Variants in ZNF695 observed in about 807,000 individuals in gnomAD.
ZNF695 encodes zinc finger protein 695.
In ZNF695, 11 loss-of-function variants were observed where a neutral mutation model predicts 11.2. The observed-to-expected ratio is 0.98, with a 90% CI of 0.62 to 1.62. The LOEUF (loss-of-function observed/expected upper bound fraction) is 1.62, where lower values mean the gene tolerates loss of function less well. Ranked by LOEUF, ZNF695 falls within the 40% of genes most tolerant of loss-of-function variation. The pLI, the probability that ZNF695 is intolerant of heterozygous loss-of-function variation, is 0.00. For missense variants in ZNF695, 559 were observed against 590.5 expected, an observed-to-expected ratio of 0.95 and a Z score of 0.55; for synonymous variants, 190 against 201.4, an observed-to-expected ratio of 0.94 and a Z score of 0.48.
rs552622548 is a variant in ZNF695 at position 246,996,905 on chromosome 1, A to C, written c.259+2443T>G. ...ATAAAGAAAATGTACTGGCATGTCTACTGCAAGTAGATTTATCTGTAAGTT... is the reference window on the plus strand; with the variant it reads ...ATAAAGAAAATGTACTGGCATGTCTCCTGCAAGTAGATTTATCTGTAAGTT... On this transcript the variant is annotated intron_variant, in intron 3 of 3. Transcript: ENST00000339986. Among the ~76,000 whole-genome samples the C allele has an allele frequency of 1.3e-3, 200 of 152,354 alleles. 1 individual carries two copies. The highest frequency in any genetic ancestry group is 2.3e-3 in the Non-Finnish European group (157 of 68,040).
intron 5 of ZNF695, among the ~76,000 whole-genome samples, chr1:246,947,335 T>G (rs1667764881): frequency 6.6e-6 from 1 of 151,662 alleles, no homozygotes; most frequent in African/African-American, 2.4e-5. Context: ...ACAATCCCCC[T>G]GCTTCAGCCT....
At chr1:246,988,580 C>T (rs1390716439) in intron 3 of ZNF695, among the ~76,000 whole-genome samples, 1 of 152,046 alleles carries the variant, frequency 6.6e-6, no homozygotes, top group African/African-American at 2.4e-5. Flanking sequence ...AAACCTTTAC[C>T]CTAGAATATT....
At position 246,986,641 on chromosome 1, in the gene ZNF695, GT is replaced by G; in HGVS notation, c.*325del. 9.6e-7 allele frequency: 1 copy of G among 1,039,166 alleles called. No individual in the cohort carries two copies. 64.4% of individuals were successfully genotyped at this position (1,039,166 alleles called of 1,614,324 possible). A position where few individuals can be genotyped will look rare whatever the true frequency, so the allele number is the denominator to read the frequency against. On this transcript the variant is annotated 3_prime_UTR_variant, in exon 4 of 4. Transcript: ENST00000339986. ...GAGGTATATTTTTTGAACAAATGTT[GT>G]TTCTGCATTTATTACATTTGTAGGG...
At position 246,990,514 on chromosome 1, in the gene ZNF695, C is replaced by T. The variant is rs185033050; in HGVS notation, c.260-2259G>A. On this transcript the variant is annotated intron_variant, in intron 3 of 3. Coordinates refer to ENST00000339986, the MANE Select transcript of ZNF695 (RefSeq NM_020394.5). The stretch of plus-strand genomic sequence containing the variant: ...TAAAGAGAGGCCCCAGTACAGTAAC[C>T]GCTATATACTTCAGGACCTCATTTG... Among the ~76,000 whole-genome samples, 233 of 152,200 alleles carry T rather than the reference C, an allele frequency of 1.5e-3. 1 individual carries two copies. Among genetic ancestry groups the T allele is most frequent in the African/African-American group, 5.4e-3 (225 of 41,532 alleles).
Position 246,956,917 on chromosome 1 carries a change from T to C in ZNF695, c.488+10778A>G, listed in dbSNP as rs1668016469. ...CCTTATGCTTAGGAGATGCATGTTG[T>C]GACTGTAATATTTACAGGTGGTATC... On this transcript the variant is annotated intron_variant, in intron 5 of 5. Coordinates refer to the ZNF695 transcript ENST00000487338. Among the ~76,000 whole-genome samples, 3 of 152,112 alleles carry C rather than the reference T, an allele frequency of 2.0e-5. No homozygotes were observed. In the South Asian group the frequency reaches 6.2e-4, roughly 32 times the overall value.
chr1:246,965,938 AAT>A (rs201734981), intron 5 of ZNF695, among the ~76,000 whole-genome samples: 1 of 150,538 alleles, frequency 6.6e-6, no homozygotes, highest in African/African-American at 2.4e-5. Context: ...GAAAATTAAA[AAT>A]ATATATATAT....
In ZNF695 at chr1:246,986,887, T is replaced by C. The variant is rs1668865014; in HGVS notation, c.*80A>G. 6.7e-7 allele frequency: 1 copy of C among 1,495,026 alleles called. No homozygotes were observed. The highest frequency in any genetic ancestry group is 1.4e-5 in the South Asian group (1 of 70,244). 92.6% of individuals were successfully genotyped at this position (1,495,026 alleles called of 1,614,324 possible). A position where few individuals can be genotyped will look rare whatever the true frequency, so the allele number is the denominator to read the frequency against. On this transcript the variant is annotated 3_prime_UTR_variant, in exon 4 of 4. Coordinates refer to ENST00000339986, the MANE Select transcript of ZNF695 (RefSeq NM_020394.5). Reference sequence around the variant, plus strand: ...AGTCATTACATTTGTAACACTCTTATTCAGTAAAAATATTCTGCTGTGAAG... The same window carrying C: ...AGTCATTACATTTGTAACACTCTTACTCAGTAAAAATATTCTGCTGTGAAG...
exon 6 of ZNF695, chr1:246,945,686 T>C: frequency 9.4e-7 from 1 of 1,066,050 alleles, no homozygotes; most frequent in South Asian, 1.4e-5. Context: ...GTGGGAGGCA[T>C]GTTTTAATTC....
chr1:246,965,024 G>C (rs1668251578), intron 5 of ZNF695, among the ~76,000 whole-genome samples: 1 of 152,274 alleles, frequency 6.6e-6, no homozygotes, highest in East Asian at 1.9e-4. Flanking sequence ...TAATCCATGG[G>C]TTAACAGATT....
At chr1:247,007,412 C>T (rs1669570423) in intron 1 of ZNF695, among the ~76,000 whole-genome samples, 1 of 141,656 alleles carries the variant, frequency 7.1e-6, no homozygotes, top group African/African-American at 2.6e-5. Flanking sequence ...AGGAGAATCG[C>T]TTGAACCTGG....
At chr1:246,965,285 A>T (rs1412080043) in intron 5 of ZNF695, among the ~76,000 whole-genome samples, 6 of 148,356 alleles carry the variant, frequency 4.0e-5, no homozygotes, top group Admixed American at 1.4e-4. Context: ...TGAACCCGGG[A>T]GGCGGAGCTT....
intron 5 of ZNF695, among the ~76,000 whole-genome samples, chr1:246,949,325 TCA>T (rs1191629270): frequency 6.6e-6 from 1 of 152,132 alleles, no homozygotes; most frequent in Non-Finnish European, 1.5e-5. Flanking sequence ...GCCTGGTAGC[TCA>T]CAGTTGTAAC....
chr1:247,000,553 T>G (rs1453922901), intron 1 of ZNF695, among the ~76,000 whole-genome samples: 2 of 152,094 alleles, frequency 1.3e-5, no homozygotes, highest in Non-Finnish European at 1.5e-5. Flanking sequence ...ACACACACTC[T>G]AATGTATTCT....
intron 5 of ZNF695, among the ~76,000 whole-genome samples, chr1:246,964,974 G>A (rs553363688): frequency 2.6e-5 from 4 of 152,332 alleles, no homozygotes; most frequent in Admixed American, 2.6e-4. Flanking sequence ...ATTGGGTCGT[G>A]GGGCTCTGCC....
chr1:246,974,168 A>C lies in ZNF695; in HGVS notation c.391-6376T>G, dbSNP rs12141417. 2.7e-3 allele frequency among the ~76,000 whole-genome samples: 413 copies of C among 151,618 alleles called. 3 individuals carry two copies. Among genetic ancestry groups the C allele is most frequent in the African/African-American group, 9.5e-3 (390 of 41,212 alleles). On this transcript the variant is annotated intron_variant, in intron 4 of 5. Coordinates refer to the ZNF695 transcript ENST00000487338. ...AAAAAACAAACAAACAAACAAAAAA[A>C]AACAAACAAAAAACAACAACAAAAA... is the stretch of plus-strand genomic sequence containing the variant.
intron 4 of ZNF695, among the ~76,000 whole-genome samples, chr1:246,975,489 T>C (rs1668534442): frequency 6.6e-6 from 1 of 152,184 alleles, no homozygotes; most frequent in African/African-American, 2.4e-5. Context: ...TAAAATACAA[T>C]GTGATGAAGA....
In ZNF695 at chr1:246,948,869, C is replaced by A. The variant is rs563764943; in HGVS notation, c.489-3042G>T. Among the ~76,000 whole-genome samples the A allele has an allele frequency of 4.1e-4, 62 of 152,256 alleles. No individual in the cohort carries two copies. The Middle Eastern group carries it at 0.01, about 25-fold the overall frequency. On this transcript the variant is annotated intron_variant, in intron 5 of 5. Transcript: ENST00000487338. ...CCTTGCCTCTCCCTAAGCATCTATT[C>A]CCTCATCTGTAAACTGGAATAATAA...
chr1:246,996,039 A>G (rs1327458820), intron 3 of ZNF695: 6 of 454,076 alleles, frequency 1.3e-5, no homozygotes. Flanking sequence ...ATGAATGGTT[A>G]AATATAATTC....
chr1:247,007,221 G>C (rs899824888), intron 1 of ZNF695, among the ~76,000 whole-genome samples: 5 of 150,924 alleles, frequency 3.3e-5, no homozygotes, highest in African/African-American at 1.2e-4. Flanking sequence ...AGAGGAGAAA[G>C]GAGACCGGGC....
Sources: allele counts gnomAD v4.1 joint callset (sites outside exome capture counted in the v4.1 genomes callset), GRCh38; gene constraint gnomAD v4.1.1; transcripts MANE v1.5; gene names NCBI Gene and HGNC (gene_info 2026-07-23, HGNC 2026-07-21).